Variants in CCNJL observed in about 807,000 individuals in gnomAD.
CCNJL encodes cyclin-J-like protein.
In CCNJL, 33 loss-of-function variants were observed where a neutral mutation model predicts 33.4. The observed-to-expected ratio is 0.99, with a 90% confidence interval of 0.75 to 1.32. CCNJL has a LOEUF of 1.32. Among genes scored for constraint, CCNJL ranks in the 40% most tolerant of loss-of-function variants. The probability of loss-of-function intolerance (pLI) is 0.00; values close to 1 mark genes in which losing one functional copy is unlikely to be tolerated. For synonymous variants in CCNJL, 227 were observed against 220.9 expected (o/e 1.03, Z -0.24); for missense variants, 512 against 499.7 (o/e 1.02, Z -0.23).
At chr5:160,335,831 G>A (rs1222165809) in intron 1 of CCNJL, among the ~76,000 whole-genome samples, 1 of 147,930 alleles carries the variant, frequency 6.8e-6, no homozygotes, top group East Asian at 2.0e-4. Context: ...TGATCCTCCC[G>A]CTTCAGCTTC....
chr5:160,330,506 C>T (rs933480404), intron 1 of CCNJL, among the ~76,000 whole-genome samples: 1 of 152,166 alleles, frequency 6.6e-6, no homozygotes, highest in African/African-American at 2.4e-5. Flanking sequence ...TCCCCCTTGT[C>T]ACTGCCATTC....
chr5:160,314,287 A>C (rs923948927), upstream of CCNJL, among the ~76,000 whole-genome samples: 5 of 152,266 alleles, frequency 3.3e-5, no homozygotes, highest in African/African-American at 1.2e-4. Context: ...TGGATTAAGC[A>C]TCAGTGGAAT....
chr5:160,324,288 T>C (rs1020324001), intron 1 of CCNJL, among the ~76,000 whole-genome samples: 2 of 152,190 alleles, frequency 1.3e-5, no homozygotes, highest in Non-Finnish European at 2.9e-5. Flanking sequence ...AATCTATCTA[T>C]CTGGCCAGGC....
At chr5:160,334,193 A>G (rs1052554966) in intron 1 of CCNJL, among the ~76,000 whole-genome samples, 3 of 151,780 alleles carry the variant, frequency 2.0e-5, no homozygotes, top group Non-Finnish European at 4.4e-5. Context: ...CCACCTTTTC[A>G]CTGCCTCGCC....
intron 2 of CCNJL, among the ~76,000 whole-genome samples, chr5:160,291,036 TAAAAA>T (rs1177369719): frequency 1.4e-4 from 8 of 57,538 alleles, no homozygotes; most frequent in South Asian, 6.9e-4. Context: ...CGTCTTTACT[TAAAAA>T]AAAAAAAAAA....
intron 3 of CCNJL, among the ~76,000 whole-genome samples, chr5:160,267,347 AGTTACCCC>A (rs1761641575): frequency 6.6e-6 from 1 of 151,972 alleles, no homozygotes; most frequent in African/African-American, 2.4e-5. Flanking sequence ...AGAAAGGTTG[AGTTACCCC>A]GATCTCCCAG....
chr5:160,302,574 G>T (rs1762956936), intron 2 of CCNJL, among the ~76,000 whole-genome samples: 1 of 152,152 alleles, frequency 6.6e-6, no homozygotes, highest in Admixed American at 6.6e-5. Flanking sequence ...CATTTTGGGA[G>T]GCTGAGATGG....
chr5:160,309,021 G>A (rs1763182258), intron 2 of CCNJL, among the ~76,000 whole-genome samples: 1 of 152,240 alleles, frequency 6.6e-6, no homozygotes, highest in Non-Finnish European at 1.5e-5. Context: ...ATGGCATGGA[G>A]GGTAGGGAAG....
intron 1 of CCNJL, among the ~76,000 whole-genome samples, chr5:160,321,080 T>TTCTC (rs1763456500): frequency 1.0e-5 from 1 of 97,888 alleles, no homozygotes; most frequent in African/African-American, 4.1e-5. Context: ...CTTTCTTTCT[T>TTCTC]TCTTTCTTTC....
At chr5:160,278,830 G>A (rs548870393) in intron 3 of CCNJL, among the ~76,000 whole-genome samples, 1 of 152,328 alleles carries the variant, frequency 6.6e-6, no homozygotes, top group African/African-American at 2.4e-5. Flanking sequence ...TGTGCTGCTT[G>A]AAATACGATG....
chr5:160,288,058 G>C (rs374176628), intron 2 of CCNJL, among the ~76,000 whole-genome samples: 2 of 152,062 alleles, frequency 1.3e-5, no homozygotes, highest in African/African-American at 4.8e-5. Flanking sequence ...GTGGAGTTCC[G>C]GGAAAAAGAA....
At chr5:160,324,098 A>T (rs1360516728) in intron 1 of CCNJL, among the ~76,000 whole-genome samples, 1 of 152,180 alleles carries the variant, frequency 6.6e-6, no homozygotes, top group Non-Finnish European at 1.5e-5. Context: ...CTTATAATCC[A>T]TCAGTCCATT....
intron 2 of CCNJL, among the ~76,000 whole-genome samples, chr5:160,288,401 C>T (rs549493702): frequency 3.3e-5 from 5 of 152,282 alleles, no homozygotes; most frequent in East Asian, 3.9e-4. Flanking sequence ...CCTAGCAACC[C>T]CACATCATCC....
intron 2 of CCNJL, among the ~76,000 whole-genome samples, chr5:160,284,316 C>A (rs1371388159): frequency 6.6e-6 from 1 of 152,058 alleles, no homozygotes; most frequent in Non-Finnish European, 1.5e-5. Context: ...TGTGTCACTG[C>A]ACTCTAGCCT....
At chr5:160,319,147 C>G (rs1048680862) in intron 1 of CCNJL, among the ~76,000 whole-genome samples, 2 of 152,154 alleles carry the variant, frequency 1.3e-5, no homozygotes, top group Admixed American at 6.5e-5. Flanking sequence ...GAGTTTTGCT[C>G]TGTCATCCAG....
rs576386370 is a variant in CCNJL, at chr5:160,294,315, C to T, written c.67-13577G>A. On this transcript the variant is annotated intron_variant, in intron 2 of 5. Transcript: ENST00000257536. Reference sequence around the variant, plus strand: ...TTTCAACATTCTTGAGAGGGTGGCCCGTGTCACATAAGGCCAACAATGCCC... The same window carrying T: ...TTTCAACATTCTTGAGAGGGTGGCCTGTGTCACATAAGGCCAACAATGCCC... Among the ~76,000 whole-genome samples the T allele has an allele frequency of 6.6e-5, 10 of 152,278 alleles. No homozygotes were observed. The South Asian group carries it at 1.0e-3, about 16-fold the overall frequency.
chr5:160,297,247 CAT>C (rs1452744892), intron 2 of CCNJL, among the ~76,000 whole-genome samples: 2 of 152,194 alleles, frequency 1.3e-5, no homozygotes, highest in Non-Finnish European at 2.9e-5. Flanking sequence ...GCAGATTACA[CAT>C]GAGGCTCACT....
At chr5:160,275,599 C>T (rs1188305632) in intron 3 of CCNJL, among the ~76,000 whole-genome samples, 1 of 152,178 alleles carries the variant, frequency 6.6e-6, no homozygotes, top group Non-Finnish European at 1.5e-5. Flanking sequence ...TTCCTCCCAC[C>T]TCAGCCTCCC....
intron 3 of CCNJL, among the ~76,000 whole-genome samples, chr5:160,263,468 T>C (rs568010297): frequency 1.3e-5 from 2 of 152,356 alleles, no homozygotes; most frequent in South Asian, 4.1e-4. Flanking sequence ...TTGCTTTTCA[T>C]GACACTGACT....
Sources: allele counts gnomAD v4.1 joint callset (sites outside exome capture counted in the v4.1 genomes callset), GRCh38; gene constraint gnomAD v4.1.1; transcripts MANE v1.5; gene names NCBI Gene and HGNC (gene_info 2026-07-23, HGNC 2026-07-21).